The following CCNH variants were observed in gnomAD, a reference collection of about 807,000 sequenced individuals.
The protein encoded by CCNH is cyclin-H.
A neutral mutation model predicts 41.9 loss-of-function variants in CCNH; 31 were observed. The ratio of observed to expected loss-of-function variants is 0.74; its 90% CI spans 0.56 to 1.00. The LOEUF (loss-of-function observed/expected upper bound fraction) is 1.00, where lower values mean the gene tolerates loss of function less well. CCNH is among the 50% of genes least tolerant of loss of function. CCNH has a pLI of 0.00. For synonymous variants in CCNH, 138 were observed against 136.1 expected, an observed-to-expected ratio of 1.01 and a Z score of -0.10; for missense variants, 362 against 388.4, an observed-to-expected ratio of 0.93 and a Z score of 0.57.
intron 9 of CCNH, among the ~76,000 whole-genome samples, chr5:87,340,420 T>G (rs977606660): frequency 1.4e-5 from 2 of 146,584 alleles, no homozygotes; most frequent in Non-Finnish European, 3.0e-5. Context: ...ATTTTTATAG[T>G]TTTTTTTTTT....
At chr5:87,340,436 T>C (rs1758352764) in intron 9 of CCNH, among the ~76,000 whole-genome samples, 1 of 152,054 alleles carries the variant, frequency 6.6e-6, no homozygotes, top group Non-Finnish European at 1.5e-5. Context: ...TTTTTAAGCC[T>C]ACTCCCTTGG....
intron 5 of CCNH, among the ~76,000 whole-genome samples, chr5:87,402,031 G>A (rs1252327118): frequency 6.6e-6 from 1 of 152,194 alleles, no homozygotes; most frequent in East Asian, 1.9e-4. Context: ...GTAATAGCCA[G>A]TACTTATAAC....
chr5:87,392,640 C>A, downstream of CCNH: 1 of 203,384 alleles, frequency 4.9e-6, no homozygotes, highest in Non-Finnish European at 1.0e-5. Context: ...AATCTTTAGC[C>A]ATACTAACCT....
At chr5:87,314,896 T>C (rs991400150), downstream of CCNH, among the ~76,000 whole-genome samples, 2 of 152,214 alleles carry the variant, frequency 1.3e-5, no homozygotes, top group African/African-American at 4.8e-5. Flanking sequence ...TGGATGAGTA[T>C]GACAGATATG....
chr5:87,397,191 CTT>C, intron 7 of CCNH, among the ~76,000 whole-genome samples: 1 of 150,028 alleles, frequency 6.7e-6, no homozygotes, highest in East Asian at 1.9e-4. Flanking sequence ...GAGACAGAGT[CTT>C]GCTCTGTTGC....
At chr5:87,380,384 C>CT, upstream of CCNH, 2 of 879,982 alleles carry the variant, frequency 2.3e-6, no homozygotes, top group Non-Finnish European at 3.8e-6. Context: ...TGGCAAAATA[C>CT]TTTTTTGGGT....
rs77228140 is a variant in CCNH at position 87,405,778 on chromosome 5, C to G, written c.526-771G>C. On this transcript the variant is annotated intron_variant, in intron 4 of 8. Coordinates refer to ENST00000256897, the MANE Select transcript of CCNH (RefSeq NM_001239.4). ...CACCAGTGTCCTCTGGTCCTCATTT[C>G]TCTCCTGAATTCCCTGCCCCAATAT... Among the ~76,000 whole-genome samples, 37 of 152,204 alleles carry G rather than the reference C, an allele frequency of 2.4e-4. No homozygotes were observed. In the East Asian group the frequency reaches 3.9e-3, roughly 16 times the overall value.
At chr5:87,394,712 C>T in intron 8 of CCNH, 1 of 1,335,180 alleles carries the variant, frequency 7.5e-7, no homozygotes, top group East Asian at 2.8e-5. Context: ...TCTGATTATT[C>T]ACTTATTTGA....
At chr5:87,399,692 C>A (rs1305199618) in intron 6 of CCNH, among the ~76,000 whole-genome samples, 187 bp from the exon 7 acceptor site, 1 of 152,136 alleles carries the variant, frequency 6.6e-6, no homozygotes, top group African/African-American at 2.4e-5. Flanking sequence ...ATGTTTAGTT[C>A]AAGTAATTAT....
At chr5:87,321,597 A>G (rs1001978678) in intron 9 of CCNH, among the ~76,000 whole-genome samples, 11 of 152,352 alleles carry the variant, frequency 7.2e-5, no homozygotes, top group African/African-American at 2.4e-4. Flanking sequence ...ATGTTAAAGG[A>G]TACAAGTAAA....
rs796996196 is a variant in CCNH at position 87,346,643 on chromosome 5, T to C, written c.*91-27746A>G. ...ATGATAACAGCAAAAAGGACTTTAT[T>C]TATATATCTAATTTATTCTCTTTTT... On this transcript the variant is annotated intron_variant and NMD_transcript_variant, in intron 9 of 9. Coordinates refer to the CCNH transcript ENST00000645953. 2.1e-6 allele frequency: 3 copies of C among 1,425,784 alleles called. No individual in the cohort carries two copies. The South Asian group carries it at 3.6e-5, about 17-fold the overall frequency. The allele number at this position is 1,425,784 out of a possible 1,614,324, so 88.3% of individuals were successfully genotyped here. A position where few individuals can be genotyped will look rare whatever the true frequency, so the allele number is the denominator to read the frequency against.
At chr5:87,336,289 A>G (rs994166826) in intron 9 of CCNH, among the ~76,000 whole-genome samples, 4 of 152,124 alleles carry the variant, frequency 2.6e-5, no homozygotes, top group Non-Finnish European at 4.4e-5. Context: ...GAATATGGTA[A>G]ATATCAGTAG....
chr5:87,379,998 T>C, upstream of CCNH: 3 of 876,306 alleles, frequency 3.4e-6, no homozygotes, highest in Non-Finnish European at 5.2e-6. Context: ...GAATTGTATT[T>C]AAAGAAAATA....
At chr5:87,347,261 C>G (rs573704632) in intron 9 of CCNH, among the ~76,000 whole-genome samples, 1 of 151,814 alleles carries the variant, frequency 6.6e-6, no homozygotes, top group Non-Finnish European at 1.5e-5. Context: ...TCTTTGTATA[C>G]TTGTGGAATT....
At chr5:87,333,189 C>T in intron 9 of CCNH, 1 of 1,559,052 alleles carries the variant, frequency 6.4e-7, no homozygotes, top group South Asian at 1.2e-5. Flanking sequence ...TTTTTATTGG[C>T]TTTATGTGGA....
At chr5:87,380,428 G>T, upstream of CCNH, 1 of 1,232,206 alleles carries the variant, frequency 8.1e-7, no homozygotes, top group East Asian at 2.3e-5. Flanking sequence ...TGGTATATTT[G>T]GGTAAATTAA....
At chr5:87,394,799 A>C (rs1397770350) in intron 8 of CCNH, 1 of 1,348,068 alleles carries the variant, frequency 7.4e-7, no homozygotes, top group Admixed American at 3.5e-5. Flanking sequence ...GCAAAAATGT[A>C]GTATGTATAC....
intron 9 of CCNH, chr5:87,383,858 TC>T (rs1295197476): frequency 2.0e-4 from 238 of 1,200,350 alleles, no homozygotes; most frequent in Non-Finnish European, 5.1e-5. Context: ...TACTCTTAAA[TC>T]TTTTTTTTTT....
At chr5:87,319,726 T>G (rs1419771094) in intron 9 of CCNH, among the ~76,000 whole-genome samples, 1 of 152,210 alleles carries the variant, frequency 6.6e-6, no homozygotes, top group Non-Finnish European at 1.5e-5. Flanking sequence ...ATCTCTGACA[T>G]GCCCTGGGAG....
Sources: gnomAD v4.1 joint callset for allele counts (sites outside exome capture counted in the v4.1 genomes callset) on GRCh38, gnomAD v4.1.1 for gene constraint, MANE v1.5 for transcripts, NCBI Gene and HGNC (gene_info 2026-07-23, HGNC 2026-07-21) for gene names.